HMGXB3: variants seen among roughly 807,000 people sequenced by gnomAD.
HMGXB3 encodes HMG-box containing 3.
HMGXB3 carries 45 observed loss-of-function variants against 121.5 expected under a neutral mutation model. The ratio of observed to expected loss-of-function variants is 0.37; its 90% CI spans 0.29 to 0.47. HMGXB3 has a LOEUF of 0.47. Ranked by LOEUF, HMGXB3 falls within the 20% of genes least tolerant of loss-of-function variation. HMGXB3 has a pLI of 0.99. For missense variants in HMGXB3, 1,376 were observed against 1,602.2 expected (o/e 0.86, Z 2.41); for synonymous variants, 590 against 624.1 (o/e 0.95, Z 0.81).
At chr5:150,049,698 G>T (rs1756846180) in intron 18 of HMGXB3, among the ~76,000 whole-genome samples, 1 of 152,156 alleles carries the variant, frequency 6.6e-6, no homozygotes, top group African/African-American at 2.4e-5. Flanking sequence ...TCACTTGGAG[G>T]TGACAGCCAA....
intron 5 of HMGXB3, among the ~76,000 whole-genome samples, chr5:150,016,447 G>A (rs573222792): frequency 2.0e-5 from 3 of 151,950 alleles, no homozygotes; most frequent in East Asian, 1.9e-4. Context: ...ACTCTCTTGC[G>A]AAGTATGTAA....
Position 150,018,547 on chromosome 5 carries a change from A to G in HMGXB3, c.910-19A>G, listed in dbSNP as rs529638555. The G allele has an allele frequency of 1.3e-6, 2 of 1,524,564 alleles. No homozygotes were observed. Among genetic ancestry groups the G allele is most frequent in the African/African-American group, 2.8e-5 (2 of 72,424 alleles). 94.4% of individuals were successfully genotyped at this position (1,524,564 alleles called of 1,614,324 possible). On this transcript the variant is annotated intron_variant, in intron 5 of 19. Coordinates refer to ENST00000502717, the MANE Select transcript of HMGXB3 (RefSeq NM_014983.3). ...GAGAGAGGTTGTTCTATTGATTCTG[A>G]TGTGCTCTTTATTTACAGACCACTA...
rs1375374208 is a variant in HMGXB3 at position 150,018,606 on chromosome 5, G to T, written c.950G>T (p.Ser317Ile). ...CGCCGGGGCCATGGGACATGCACCA[G>T]CCCAGGGTGCTCCTTTACATATGTC... The part of the protein sequence containing the change: ...YTRRGHGTCT[S>I]PGCSFTYVTR... The change falls in exon 6 of 20, where the codon AGC (serine) becomes ATC (isoleucine). Residue 317 changes from serine (S) to isoleucine (I), a missense_variant. Physicochemically the swap from Ser to Ile is moderately radical, Grantham distance 142 (BLOSUM62 -2). Transcript: ENST00000502717. 1.3e-6 allele frequency: 2 copies of T among 1,551,056 alleles called. No individual in the cohort carries two copies. Among genetic ancestry groups the T allele is most frequent in the Non-Finnish European group, 1.7e-6 (2 of 1,146,696 alleles).
chr5:150,010,203 G>C lies in HMGXB3; in HGVS notation c.405G>C (p.Lys135Asn). 1 of 1,551,776 alleles carries C rather than the reference G, an allele frequency of 6.4e-7. No individual in the cohort carries two copies. Among genetic ancestry groups the C allele is most frequent in the Non-Finnish European group, 8.7e-7 (1 of 1,147,028 alleles). Residue 135 changes from lysine to asparagine, a missense_variant, in exon 4 of 20, where the codon AAG becomes AAC. Around this residue, in one of 2 missense-constraint regions of HMGXB3, gnomAD observed 1,116 missense variants for 1,369.0 expected, o/e 0.82. Transcript: ENST00000502717. ...GCTCAGATTATATCATCATCCCCAA[G>C]AGCAGCCTGCAGGAGGACCGGAGCT... ...LPRSDYIIIP[K>N]SSLQEDRSCP...
At chr5:150,019,738 C>T (rs937574962) in intron 6 of HMGXB3, among the ~76,000 whole-genome samples, 5 of 152,142 alleles carry the variant, frequency 3.3e-5, no homozygotes, top group Non-Finnish European at 7.3e-5. Context: ...AGGTTAGGTT[C>T]GTGATTATCA....
At chr5:150,043,250 TA>T (rs909532997) in intron 15 of HMGXB3, among the ~76,000 whole-genome samples, 1 of 151,824 alleles carries the variant, frequency 6.6e-6, no homozygotes, top group African/African-American at 2.4e-5. Context: ...CTTTAGGGTT[TA>T]AAAAAAAATC....
At chr5:150,014,875 C>A in intron 5 of HMGXB3, 1 of 627,554 alleles carries the variant, frequency 1.6e-6, no homozygotes, top group Non-Finnish European at 2.6e-6. Flanking sequence ...GAGCAATTTT[C>A]GGAGCTTCTG....
At chr5:150,001,529 T>C (rs190504740) in intron 1 of HMGXB3, among the ~76,000 whole-genome samples, 89 of 152,306 alleles carry the variant, frequency 5.8e-4, no homozygotes, top group African/African-American at 2.0e-3. Flanking sequence ...ACCTTAACTC[T>C]GTTTTACAGA....
At position 150,024,484 on chromosome 5, in the gene HMGXB3, G is replaced by A. The variant is rs1275788990; in HGVS notation, c.1264G>A (p.Asp422Asn). 31 of 1,551,580 alleles carry A rather than the reference G, an allele frequency of 2.0e-5. No homozygotes were observed. The highest frequency in any genetic ancestry group is 1.7e-4 in the Middle Eastern group (1 of 6,014). Residue 422 changes from aspartate to asparagine, a missense_variant, in exon 7 of 20, where the codon GAT (aspartate) becomes AAT (asparagine). Asp to Asn is a conservative substitution (Grantham distance 23, BLOSUM62 1). Coordinates refer to ENST00000502717, the MANE Select transcript of HMGXB3 (RefSeq NM_014983.3). ...ESEWEEVIIS[D>N]AHVLVKEAPG... ...TGAGTGGGAGGAAGTGATCATCTCC[G>A]ATGCCCATGTTTTGGTTAAGGAAGC...
In HMGXB3 at chr5:150,051,676, C is replaced by T. The variant is rs954945100; in HGVS notation, c.3412-49C>T. ...AGTGTTCTCGTCACCAGATGGGTTC[C>T]ACCTTAGTCATTCCTTCTTATCAAA... On this transcript the variant is annotated intron_variant, in intron 19 of 19. Transcript: ENST00000502717. The T allele has an allele frequency of 4.3e-6, 6 of 1,393,076 alleles. No homozygotes were observed. The African/African-American group carries it at 5.7e-5, about 13-fold the overall frequency. The allele number at this position is 1,393,076 out of a possible 1,614,324, so 86.3% of individuals were successfully genotyped here.
In HMGXB3 at chr5:150,026,725, G is replaced by T; in HGVS notation, c.1480G>T (p.Gly494Trp). Residue 494 changes from glycine (G) to tryptophan (W), a missense_variant, in exon 8 of 20, where the codon GGG (glycine) becomes TGG (tryptophan). Transcript: ENST00000502717. ...TTTCAGAGCTGACCTGCTTACCCCT[G>T]GGTCCAGAGCTCCAGAGCTTAAAGG... Reference protein sequence around the residue: ...KPTGADLLTPGSRAPELKGRA... With the variant: ...KPTGADLLTPWSRAPELKGRA... 6.4e-7 allele frequency: 1 copy of T among 1,551,024 alleles called. No homozygotes were observed. Among genetic ancestry groups the T allele is most frequent in the East Asian group, 2.4e-5 (1 of 40,916 alleles).
intron 9 of HMGXB3, among the ~76,000 whole-genome samples, chr5:150,028,555 ATATATTT>A (rs1386270336): frequency 1.3e-3 from 73 of 57,146 alleles, no homozygotes; most frequent in African/African-American, 3.7e-3. Context: ...ATATATATAT[ATATATTT>A]TTTTTTTTTT....
At position 150,004,866 on chromosome 5, in the gene HMGXB3, A is replaced by G. The variant is rs754673138; in HGVS notation, c.14A>G (p.Tyr5Cys). ...TTTCCTTTAGCCATGGACGCATCAT[A>G]TGATGGTACTGAGGTAACTGTCGTG... The part of the protein sequence containing the change: MDAS[Y>C]DGTEVTVVME... Residue 5 changes from tyrosine (Y) to cysteine (C), a missense_variant, in exon 2 of 20, where the codon TAT becomes TGT. This residue lies in a region of HMGXB3 where 1,116 missense variants were observed against 1,369.0 expected (regional missense o/e 0.82). Transcript: ENST00000502717. 1.3e-5 allele frequency: 20 copies of G among 1,550,668 alleles called. No individual in the cohort carries two copies. In the Middle Eastern group the frequency reaches 5.0e-4, roughly 39 times the overall value.
intron 3 of HMGXB3, 23 bp downstream of exon 3, chr5:150,006,670 T>A (rs970002804): frequency 1.3e-6 from 2 of 1,548,186 alleles, no homozygotes; most frequent in African/African-American, 2.7e-5. Flanking sequence ...TTTTTCCAGC[T>A]ATTTTTTCCA....
intron 5 of HMGXB3, among the ~76,000 whole-genome samples, chr5:150,013,663 T>C (rs746454254): frequency 6.6e-6 from 1 of 152,236 alleles, no homozygotes; most frequent in Non-Finnish European, 1.5e-5. Flanking sequence ...GAGAAGGTTT[T>C]TAACTGCAAG....
chr5:150,027,778 C>G (rs1266698994), intron 9 of HMGXB3, among the ~76,000 whole-genome samples: 1 of 152,050 alleles, frequency 6.6e-6, no homozygotes, highest in African/African-American at 2.4e-5. Context: ...GCCTTGAACT[C>G]CTGACCTCAA....
At chr5:150,011,458 C>T (rs1372809096) in intron 4 of HMGXB3, among the ~76,000 whole-genome samples, 1 of 152,202 alleles carries the variant, frequency 6.6e-6, no homozygotes, top group African/African-American at 2.4e-5. Flanking sequence ...GACCAGCTTG[C>T]TGTAGCCCTT....
chr5:150,010,037 A>C lies in HMGXB3; in HGVS notation c.313-74A>C, dbSNP rs1000811234. ...AAAAAGAACTTACACATATATATAT[A>C]TCTTTCTCTCTCCATGTGGTCTTAG... On this transcript the variant is annotated intron_variant, in intron 3 of 19. Transcript: ENST00000502717. The C allele has an allele frequency of 2.1e-5, 29 of 1,408,954 alleles. 3 individuals are homozygous for C. The Admixed American group carries it at 3.6e-4, about 18-fold the overall frequency. 87.3% of individuals were successfully genotyped at this position (1,408,954 alleles called of 1,614,324 possible).
chr5:150,011,908 G>A (rs1169823269), intron 4 of HMGXB3, among the ~76,000 whole-genome samples: 4 of 152,234 alleles, frequency 2.6e-5, no homozygotes, highest in East Asian at 3.9e-4. Context: ...CGCCGTGCCC[G>A]GCCGCCACTA....
Sources: allele counts gnomAD v4.1 joint callset (sites outside exome capture counted in the v4.1 genomes callset), GRCh38; gene constraint gnomAD v4.1.1; regional missense constraint gnomAD v4.1.1; transcripts MANE v1.5; gene names NCBI Gene and HGNC (gene_info 2026-07-23, HGNC 2026-07-21).